ENTPD6: variants seen among roughly 807,000 people sequenced by gnomAD.
ENTPD6 encodes CD39 antigen-like 2.
Under a neutral mutation model 61.5 loss-of-function variants are expected in ENTPD6, and 46 were observed. The observed-to-expected ratio is 0.75, with a 90% CI of 0.59 to 0.96. The LOEUF (loss-of-function observed/expected upper bound fraction) is 0.96. Ranked by LOEUF, ENTPD6 falls within the 40% of genes least tolerant of loss-of-function variation. ENTPD6 has a pLI of 0.00. For synonymous variants in ENTPD6, 252 were observed against 255.5 expected (o/e 0.99, Z 0.13); for missense variants, 612 against 629.0 (o/e 0.97, Z 0.29).
intron 11 of ENTPD6, chr20:25,221,926 A>G (rs985795667): frequency 1.2e-5 from 2 of 163,564 alleles, no homozygotes; most frequent in African/African-American, 4.8e-5. Context: ...AGGACTGCAC[A>G]GCTGTGTCCC....
rs1047553632 is a variant in ENTPD6 at position 25,227,166 on chromosome 20, T to C, written c.*1569T>C. Among the ~76,000 whole-genome samples the C allele has an allele frequency of 6.6e-6, 1 of 152,366 alleles. No homozygotes were observed. Among genetic ancestry groups the C allele is most frequent in the African/African-American group, 2.4e-5 (1 of 41,596 alleles). On this transcript the variant is annotated 3_prime_UTR_variant, in exon 15 of 15. Coordinates refer to ENST00000376652, the MANE Select transcript of ENTPD6 (RefSeq NM_001247.5). ...CCAACTGTCACAGGAGGACAGGATC[T>C]GGCCCTAGGGCCTCCCAGGGCTGCA...
chr20:25,206,064 C>A (rs1414913061), intron 1 of ENTPD6, among the ~76,000 whole-genome samples: 1 of 152,254 alleles, frequency 6.6e-6, no homozygotes, highest in Non-Finnish European at 1.5e-5. Context: ...GCTTTCCCTG[C>A]AGCCTGTTCT....
At chr20:25,216,465 G>C (rs548996176) in intron 7 of ENTPD6, among the ~76,000 whole-genome samples, 183 bp from the exon 8 acceptor site, 13 of 152,280 alleles carry the variant, frequency 8.5e-5, no homozygotes, top group Non-Finnish European at 1.6e-4. Flanking sequence ...TTAAACCACA[G>C]CTGGTGGAGC....
At chr20:25,217,005 G>A (rs113451524) in intron 8 of ENTPD6, among the ~76,000 whole-genome samples, 2 of 152,216 alleles carry the variant, frequency 1.3e-5, no homozygotes, top group African/African-American at 4.8e-5. Context: ...AACTGGAAAC[G>A]TTTGGGCCAG....
chr20:25,223,745 C>T (rs1314055810), intron 12 of ENTPD6: 4 of 163,476 alleles, frequency 2.4e-5, no homozygotes, highest in African/African-American at 9.7e-5. Flanking sequence ...TACCAGAATA[C>T]TGTTGCTGAG....
rs376852747 is a variant in ENTPD6 at position 25,225,562 on chromosome 20, G to A, written c.1420G>A (p.Asp474Asn). ...WALGAIFHYI[D>N]SLNRQKSPAS ...TCTGGGGGCCATTTTTCATTACATC[G>A]ACTCCCTGAACAGACAGAAGAGTCC... The change falls in exon 15 of 15, where the codon GAC becomes AAC. Residue 474 changes from aspartate (D) to asparagine (N), a missense_variant. Asp to Asn is a conservative substitution (Grantham distance 23, BLOSUM62 1). Coordinates refer to ENST00000376652, the MANE Select transcript of ENTPD6 (RefSeq NM_001247.5). 2.8e-5 allele frequency: 45 copies of A among 1,613,970 alleles called. No individual in the cohort carries two copies. The highest frequency in any genetic ancestry group is 1.8e-4 in the South Asian group (16 of 91,068).
intron 4 of ENTPD6, among the ~76,000 whole-genome samples, chr20:25,212,106 G>A (rs528993225): frequency 6.6e-6 from 1 of 152,184 alleles, no homozygotes; most frequent in African/African-American, 2.4e-5. Context: ...TGGATAGGAG[G>A]AACGTGTTTT....
At chr20:25,222,515 T>G in intron 11 of ENTPD6, 1 of 262,562 alleles carries the variant, frequency 3.8e-6, no homozygotes, top group African/African-American at 2.2e-5. Flanking sequence ...GGAGGGGGAA[T>G]GTAGGGCAGA....
Position 25,213,804 on chromosome 20 carries a change from G to A in ENTPD6, c.597+398G>A, listed in dbSNP as rs148042164. ...ATCTCTACCAAAAACACAAAAATTA[G>A]CTGGGCATTGTGGCGCATGCCTGTC... On this transcript the variant is annotated intron_variant, in intron 5 of 14. Coordinates refer to ENST00000376652, the MANE Select transcript of ENTPD6 (RefSeq NM_001247.5). Among the ~76,000 whole-genome samples the A allele has an allele frequency of 5.9e-3, 894 of 152,298 alleles. 3 individuals are homozygous for A. The highest frequency in any genetic ancestry group is 0.031 in the Middle Eastern group (9 of 294).
Position 25,203,681 on chromosome 20 carries a change from A to C in ENTPD6, c.-15-2841A>C, listed in dbSNP as rs576785127. 1.3e-4 allele frequency among the ~76,000 whole-genome samples: 20 copies of C among 152,064 alleles called. No individual in the cohort carries two copies. The East Asian group carries it at 3.9e-3, about 29-fold the overall frequency. ...TTATCTGTTTTCCTTCAGCTCTTTT[A>C]GCATATTTAAGACAGTCATTTTTAG... On this transcript the variant is annotated intron_variant, in intron 1 of 14. Coordinates refer to ENST00000376652, the MANE Select transcript of ENTPD6 (RefSeq NM_001247.5).
At chr20:25,224,949 T>G in intron 13 of ENTPD6, 1 of 544,864 alleles carries the variant, frequency 1.8e-6, no homozygotes, top group Non-Finnish European at 3.3e-6. Flanking sequence ...AAATGTGGCT[T>G]GGGAGACATT....
In ENTPD6 at chr20:25,216,862, C is replaced by T; in HGVS notation, c.798+126C>T. On this transcript the variant is annotated intron_variant, in intron 8 of 14. Coordinates refer to ENST00000376652, the MANE Select transcript of ENTPD6 (RefSeq NM_001247.5). ...GGGTGGGGTTGGCCAGGTCTCTGGACCCCTGCGGTCATTTCCTCTTCTGAG... is the reference window on the plus strand; with the variant it reads ...GGGTGGGGTTGGCCAGGTCTCTGGATCCCTGCGGTCATTTCCTCTTCTGAG... 30 of 643,176 alleles carry T rather than the reference C, an allele frequency of 4.7e-5. 1 individual carries two copies. The South Asian group carries it at 5.4e-4, about 11-fold the overall frequency. 39.8% of individuals were successfully genotyped at this position (643,176 alleles called of 1,614,324 possible).
Position 25,207,387 on chromosome 20 carries a change from G to GC in ENTPD6, c.372dup (p.Arg125GlnfsTer23), listed in dbSNP as rs769657862. On this transcript the variant is annotated frameshift_variant, in exon 3 of 15. Transcript: ENST00000376652. LOFTEE classifies it high-confidence loss of function. ...GAGTACACGTCTTCCAGTTCACCCG[G>GC]CCCCCCAGAGGTACCCGCCTCTCAT... 7 of 1,530,914 alleles carry GC rather than the reference G, an allele frequency of 4.6e-6. No individual in the cohort carries two copies. Among genetic ancestry groups the GC allele is most frequent in the African/African-American group, 1.4e-5 (1 of 72,798 alleles). The allele number at this position is 1,530,914 out of a possible 1,614,324, so 94.8% of individuals were successfully genotyped here.
chr20:25,213,804 G>T (rs148042164), intron 5 of ENTPD6, among the ~76,000 whole-genome samples: 1 of 152,180 alleles, frequency 6.6e-6, no homozygotes, highest in Non-Finnish European at 1.5e-5. Context: ...ACAAAAATTA[G>T]CTGGGCATTG....
At chr20:25,215,794 TC>T in intron 7 of ENTPD6, 83 bp downstream of exon 7, 4 of 1,347,886 alleles carry the variant, frequency 3.0e-6, no homozygotes, top group Non-Finnish European at 4.3e-6. Flanking sequence ...AGCAGGAGCC[TC>T]ATTTCTGCTC....
intron 9 of ENTPD6, 38 bp downstream of exon 9, chr20:25,217,619 G>T (rs777841582): frequency 6.3e-7 from 1 of 1,581,490 alleles, no homozygotes; most frequent in Non-Finnish European, 8.7e-7. Context: ...GGCGCCATGG[G>T]GTGGGTATGC....
chr20:25,197,285 A>C lies in ENTPD6; in HGVS notation c.-16+1418A>C, dbSNP rs1042723513. The C allele has an allele frequency of 5.2e-6, 5 of 959,820 alleles. No individual in the cohort carries two copies. The African/African-American group carries it at 7.1e-5, about 14-fold the overall frequency. 59.5% of individuals were successfully genotyped at this position (959,820 alleles called of 1,614,324 possible). A position where few individuals can be genotyped will look rare whatever the true frequency, so the allele number is the denominator to read the frequency against. On this transcript the variant is annotated intron_variant, in intron 1 of 14. Transcript: ENST00000376652. ...GGGGACAGGGTAGCTCCTACCACCA[A>C]CAACACTGCTCTACCCTCAGATTCT...
At position 25,207,127 on chromosome 20, in the gene ENTPD6, G is replaced by A. The variant is rs1017811642; in HGVS notation, c.106G>A (p.Gly36Arg). 6.8e-6 allele frequency: 11 copies of A among 1,613,762 alleles called. No individual in the cohort carries two copies. Among genetic ancestry groups the A allele is most frequent in the East Asian group, 2.2e-5 (1 of 44,860 alleles). Reference protein sequence around the residue: ...QTRMRKISNHGSLRVAKVAYP... With the variant: ...QTRMRKISNHRSLRVAKVAYP... ...AAGGATGAGAAAAATATCCAACCAC[G>A]GGAGCCTGCGGGTGGCGAAGGTGGC... The change falls in exon 3 of 15, where the codon GGG (glycine) becomes AGG (arginine). Residue 36 changes from glycine (G) to arginine (R), a missense_variant. Coordinates refer to ENST00000376652, the MANE Select transcript of ENTPD6 (RefSeq NM_001247.5).
Position 25,213,266 on chromosome 20 carries a change from G to T in ENTPD6, c.457G>T (p.Ala153Ser). 1 of 1,614,222 alleles carries T rather than the reference G, an allele frequency of 6.2e-7. No individual in the cohort carries two copies. The highest frequency in any genetic ancestry group is 8.5e-7 in the Non-Finnish European group (1 of 1,180,028). ...TTTGCTCTTACCACGTTCACAGAGC[G>T]CTCAGGGAATCCGGGAACTACTGGA... ...SAYADDVEKS[A>S]QGIRELLDVA... is the part of the protein sequence containing the mutation. Residue 153 changes from alanine (A) to serine (S), a missense_variant, in exon 5 of 15, where the codon GCT becomes TCT. Transcript: ENST00000376652.
Sources: allele counts gnomAD v4.1 joint callset (sites outside exome capture counted in the v4.1 genomes callset), GRCh38; gene constraint gnomAD v4.1.1; transcripts MANE v1.5; gene names NCBI Gene and HGNC (gene_info 2026-07-23, HGNC 2026-07-21).